NEGR1: variants seen among roughly 807,000 people sequenced by gnomAD.
NEGR1 encodes the protein neuronal growth regulator 1.
In NEGR1, 10 loss-of-function variants were observed where a neutral mutation model predicts 40.9. That is an observed-to-expected ratio of 0.24 (90% CI 0.15 to 0.42). NEGR1 has a LOEUF of 0.42. Among genes scored for constraint, NEGR1 ranks in the 10% least tolerant of loss-of-function variants. The pLI, the probability that NEGR1 is intolerant of heterozygous loss-of-function variation, is 1.00. For missense variants in NEGR1, 352 were observed against 438.9 expected (o/e 0.80, Z 1.77); for synonymous variants, 185 against 166.8 (o/e 1.11, Z -0.84).
intron 1 of NEGR1, among the ~76,000 whole-genome samples, chr1:72,092,107 G>A (rs887010459): frequency 1.1e-4 from 17 of 152,190 alleles, no homozygotes; most frequent in South Asian, 4.1e-4. Context: ...ATCAGTGTAA[G>A]TGAGTAGTGG....
intron 6 of NEGR1, among the ~76,000 whole-genome samples, chr1:71,427,115 TCA>T (rs1646433827): frequency 1.3e-5 from 2 of 152,202 alleles, no homozygotes; most frequent in Admixed American, 1.3e-4. Flanking sequence ...GTATGCATGC[TCA>T]CGTTGGAGAT....
At position 71,924,796 on chromosome 1, in the gene NEGR1, T is replaced by G. The variant is rs183392649; in HGVS notation, c.409+10283A>C. On this transcript the variant is annotated intron_variant, in intron 2 of 6. Transcript: ENST00000357731. Reference sequence around the variant, plus strand: ...TTACTACAACACGCATTCACTATTCTACACTTGTGAAAATATGGAAATTAT... The same window carrying G: ...TTACTACAACACGCATTCACTATTCGACACTTGTGAAAATATGGAAATTAT... 2.8e-3 allele frequency among the ~76,000 whole-genome samples: 422 copies of G among 152,308 alleles called. 3 individuals are homozygous for G. Among genetic ancestry groups the G allele is most frequent in the African/African-American group, 9.8e-3 (408 of 41,570 alleles).
chr1:71,869,353 C>G (rs976487097), intron 2 of NEGR1, among the ~76,000 whole-genome samples: 1 of 151,940 alleles, frequency 6.6e-6, no homozygotes, highest in African/African-American at 2.4e-5. Flanking sequence ...TAAAGCTATA[C>G]TATGATGAAA....
Position 71,611,031 on chromosome 1 carries a change from C to T in NEGR1, c.783G>A (p.Glu261=). The change falls in exon 5 of 7, where the codon GAG becomes GAA. Residue 261 remains glutamate (E), a synonymous_variant. Coordinates refer to ENST00000357731, the MANE Select transcript of NEGR1 (RefSeq NM_173808.3). Reference sequence around the variant, plus strand: ...AATAATCACAAAGTCCTCACTTCTTCTCTCCTTTGTACCATTCAAAGGCTG... The same window carrying T: ...AATAATCACAAAGTCCTCACTTCTTTTCTCCTTTGTACCATTCAAAGGCTG... ...PPPAFEWYKG[E]KKLFNGQQGI... 6.2e-7 allele frequency: 1 copy of T among 1,613,714 alleles called. No individual in the cohort carries two copies. The highest frequency in any genetic ancestry group is 8.5e-7 in the Non-Finnish European group (1 of 1,179,764).
At chr1:71,778,602 T>A (rs1656592103) in intron 2 of NEGR1, among the ~76,000 whole-genome samples, 1 of 152,260 alleles carries the variant, frequency 6.6e-6, no homozygotes, top group Middle Eastern at 3.4e-3. Flanking sequence ...ATTAAAAAAA[T>A]TATATAGTGC....
intron 1 of NEGR1, among the ~76,000 whole-genome samples, chr1:72,028,798 T>G (rs1646833215): frequency 6.6e-6 from 1 of 152,234 alleles, no homozygotes; most frequent in Non-Finnish European, 1.5e-5. Flanking sequence ...ACACATATTT[T>G]TATTATAGCA....
chr1:71,642,587 C>T (rs1282506014), intron 4 of NEGR1, among the ~76,000 whole-genome samples: 2 of 151,200 alleles, frequency 1.3e-5, no homozygotes, highest in Non-Finnish European at 3.0e-5. Flanking sequence ...CAACTTAAGA[C>T]AGTAATTCAA....
chr1:71,869,007 G>C (rs1660200246), intron 2 of NEGR1, among the ~76,000 whole-genome samples: 1 of 152,074 alleles, frequency 6.6e-6, no homozygotes, highest in Non-Finnish European at 1.5e-5. Flanking sequence ...CCAAATCCTA[G>C]TTAGGAACAC....
At position 72,045,553 on chromosome 1, in the gene NEGR1, C is replaced by A. The variant is rs139572376; in HGVS notation, c.177-110242G>T. 8.0e-3 allele frequency among the ~76,000 whole-genome samples: 1,211 copies of A among 151,842 alleles called. 7 individuals carry two copies. Among genetic ancestry groups the A allele is most frequent in the Non-Finnish European group, 0.013 (899 of 67,792 alleles). On this transcript the variant is annotated intron_variant, in intron 1 of 6. Coordinates refer to ENST00000357731, the MANE Select transcript of NEGR1 (RefSeq NM_173808.3). ...AGTTTTAAAAATGAGAGTTTCCCTG[C>A]ACAAGCTCTCTTTTTGCCTGGTGCC...
chr1:71,548,062 A>G (rs1161129463), intron 6 of NEGR1, among the ~76,000 whole-genome samples: 3 of 151,632 alleles, frequency 2.0e-5, no homozygotes, highest in African/African-American at 7.2e-5. Context: ...GACTGATCAA[A>G]CCTCAGATAA....
intron 1 of NEGR1, among the ~76,000 whole-genome samples, chr1:72,131,592 C>T (rs900824384): frequency 1.1e-4 from 16 of 152,070 alleles, no homozygotes; most frequent in Admixed American, 2.0e-4. Context: ...AATACGATAA[C>T]AAGATAATTT....
intron 1 of NEGR1, among the ~76,000 whole-genome samples, chr1:72,154,742 A>T (rs1651297303): frequency 6.6e-6 from 1 of 151,962 alleles, no homozygotes; most frequent in Non-Finnish European, 1.5e-5. Context: ...TTTACACATG[A>T]CTTACAGGGC....
intron 1 of NEGR1, among the ~76,000 whole-genome samples, chr1:72,251,989 C>T (rs1199342182): frequency 1.3e-5 from 2 of 152,130 alleles, no homozygotes; most frequent in Non-Finnish European, 2.9e-5. Flanking sequence ...ATCTTGGTTA[C>T]AAGTAATTGA....
intron 6 of NEGR1, among the ~76,000 whole-genome samples, chr1:71,560,429 TTATATA>T (rs58813234): frequency 1.8e-5 from 2 of 114,262 alleles, no homozygotes; most frequent in Non-Finnish European, 3.7e-5. Context: ...TAATTCTCCA[TTATATA>T]TATATATATA....
chr1:71,578,095 C>T (rs1183009125), intron 6 of NEGR1, among the ~76,000 whole-genome samples: 1 of 152,160 alleles, frequency 6.6e-6, no homozygotes, highest in Non-Finnish European at 1.5e-5. Context: ...TAACACTTCT[C>T]TTTTCTCACA....
intron 6 of NEGR1, among the ~76,000 whole-genome samples, chr1:71,506,279 T>C (rs1647034333): frequency 6.6e-6 from 1 of 151,824 alleles, no homozygotes; most frequent in African/African-American, 2.4e-5. Context: ...CTCTCATCTT[T>C]AGAAAAAACA....
chr1:71,468,288 G>T (rs1464078881), intron 6 of NEGR1: 1 of 151,918 alleles, frequency 6.6e-6, no homozygotes, highest in Non-Finnish European at 1.5e-5. Flanking sequence ...TCATAGGTGA[G>T]TCTTGCATAT....
At chr1:71,971,905 G>C (rs1646259845) in intron 1 of NEGR1, among the ~76,000 whole-genome samples, 1 of 152,128 alleles carries the variant, frequency 6.6e-6, no homozygotes, top group African/African-American at 2.4e-5. Flanking sequence ...TCTCCTGTAG[G>C]AACAGCGTTG....
intron 6 of NEGR1, among the ~76,000 whole-genome samples, chr1:71,535,957 C>T (rs1026873016): frequency 6.6e-6 from 1 of 151,598 alleles, no homozygotes; most frequent in Non-Finnish European, 1.5e-5. Flanking sequence ...AGACACTGTA[C>T]TTTATATAAA....
Sources: gnomAD v4.1 joint callset for allele counts (sites outside exome capture counted in the v4.1 genomes callset) on GRCh38, gnomAD v4.1.1 for gene constraint, MANE v1.5 for transcripts, NCBI Gene and HGNC (gene_info 2026-07-23, HGNC 2026-07-21) for gene names.